Variants in ASAP3 observed in about 807,000 individuals in gnomAD.
ASAP3 encodes arf-GAP with SH3 domain, ANK repeat and PH domain-containing protein 3.
ASAP3 carries 85 observed loss-of-function variants against 118.2 expected under a neutral mutation model. That is an observed-to-expected ratio of 0.72 (90% CI 0.60 to 0.86). ASAP3 has a LOEUF of 0.86. ASAP3 is among the 40% of genes least tolerant of loss of function. The pLI, the probability that ASAP3 is intolerant of heterozygous loss-of-function variation, is 0.00. For missense variants in ASAP3, 1,026 were observed against 1,175.0 expected, an observed-to-expected ratio of 0.87 and a Z score of 1.85; for synonymous variants, 432 against 477.4, an observed-to-expected ratio of 0.90 and a Z score of 1.24.
chr1:23,461,376 T>C (rs902260596), intron 1 of ASAP3, among the ~76,000 whole-genome samples: 2 of 151,882 alleles, frequency 1.3e-5, no homozygotes, highest in Admixed American at 1.3e-4. Flanking sequence ...TTTTTTAATT[T>C]AGAAAAAAAG....
chr1:23,474,187 C>T (rs1459923038), intron 1 of ASAP3, among the ~76,000 whole-genome samples: 3 of 151,864 alleles, frequency 2.0e-5, no homozygotes, highest in African/African-American at 7.3e-5. Flanking sequence ...AGGCTGGTCT[C>T]GAACTCCTGA....
At chr1:23,466,368 G>A (rs1040888364) in intron 1 of ASAP3, among the ~76,000 whole-genome samples, 5 of 152,226 alleles carry the variant, frequency 3.3e-5, no homozygotes, top group African/African-American at 1.2e-4. Flanking sequence ...GGCAGGCACT[G>A]GGCAAAGGTG....
chr1:23,456,132 G>A lies in ASAP3; in HGVS notation c.192C>T (p.Ser64=). ...AGGAGGCTCACTTACCAAGGCCGGA[G>A]CTATGGATTGCCCGCACAGCCTTCT... ...RIKKAVRAIH[S]SGLGHVENEE... is the part of the protein sequence containing the mutation. Residue 64 remains serine (S), a synonymous_variant, in exon 2 of 25, where the codon AGC becomes AGT. Coordinates refer to ENST00000336689, the MANE Select transcript of ASAP3 (RefSeq NM_017707.4). 1.9e-6 allele frequency: 3 copies of A among 1,614,172 alleles called. No individual in the cohort carries two copies. Among genetic ancestry groups the A allele is most frequent in the Non-Finnish European group, 1.7e-6 (2 of 1,180,036 alleles).
chr1:23,458,548 C>G (rs1245191185), intron 1 of ASAP3, among the ~76,000 whole-genome samples: 1 of 151,984 alleles, frequency 6.6e-6, no homozygotes, highest in Non-Finnish European at 1.5e-5. Flanking sequence ...TGCAGTGAGC[C>G]CTGATTGCGC....
chr1:23,456,307 T>C (rs1367501233), intron 1 of ASAP3, 113 bp from the exon 2 acceptor site: 16 of 1,007,514 alleles, frequency 1.6e-5, no homozygotes, highest in Admixed American at 1.5e-4. Flanking sequence ...AACAAATACA[T>C]TGAGTTTTGC....
At chr1:23,452,636 C>G in intron 4 of ASAP3, 61 bp downstream of exon 4, 2 of 1,552,462 alleles carry the variant, frequency 1.3e-6, no homozygotes, top group South Asian at 1.1e-5. Flanking sequence ...TGCCCCCCAA[C>G]AGTCTCCTGC....
intron 1 of ASAP3, among the ~76,000 whole-genome samples, chr1:23,469,350 C>G (rs1307144023): frequency 2.0e-5 from 3 of 152,098 alleles, no homozygotes; most frequent in Non-Finnish European, 4.4e-5. Context: ...AACTCAAACC[C>G]AGGCAGTTGG....
rs184865364 is a variant in ASAP3, at chr1:23,442,229, C to G, written c.628G>C (p.Asp210His). The change falls in exon 7 of 25, where the codon GAC (aspartate) becomes CAC (histidine). Residue 210 changes from aspartate to histidine, a missense_variant. Physicochemically the swap from Asp to His is moderately conservative, Grantham distance 81. Transcript: ENST00000336689. ...AGESQMKQGP[D>H]FLQSLIKFFH... The stretch of plus-strand genomic sequence containing the variant: ...AACTTGATGAGGCTCTGAAGGAAGT[C>G]AGGACCTTGCTTCATCTGGCTCTCC... The G allele has an allele frequency of 4.0e-4, 640 of 1,607,866 alleles. 1 individual carries two copies. Among genetic ancestry groups the G allele is most frequent in the Non-Finnish European group, 5.1e-4 (602 of 1,177,754 alleles).
chr1:23,479,454 AAAAC>A (rs1170523494), intron 1 of ASAP3, among the ~76,000 whole-genome samples: 2 of 152,172 alleles, frequency 1.3e-5, no homozygotes, highest in Non-Finnish European at 2.9e-5. Context: ...TGACGATCAA[AAAAC>A]AAACAAACAA....
At chr1:23,468,867 T>A in intron 1 of ASAP3, among the ~76,000 whole-genome samples, 1 of 93,298 alleles carries the variant, frequency 1.1e-5, no homozygotes, top group African/African-American at 4.3e-5. Flanking sequence ...TGAGACTCCA[T>A]CTCAAAAAAA....
chr1:23,457,378 G>T (rs929774588), intron 1 of ASAP3, among the ~76,000 whole-genome samples: 1 of 152,196 alleles, frequency 6.6e-6, no homozygotes, highest in Non-Finnish European at 1.5e-5. Context: ...GATACCCACA[G>T]GAGAACATGC....
At position 23,434,569 on chromosome 1, in the gene ASAP3, GC is replaced by G; in HGVS notation, c.1798del (p.Ala600LeufsTer43). ...LHLAVKVANQ[A>X]SLPLVDFIIQ... The stretch of plus-strand genomic sequence containing the variant: ...GATGAAATCCACCAGAGGCAGGGAA[GC>G]CTGGTTGGCGACTTTGACAGCCAAA... On this transcript the variant is annotated frameshift_variant, in exon 18 of 25. Coordinates refer to ENST00000336689, the MANE Select transcript of ASAP3 (RefSeq NM_017707.4). LOFTEE classifies it high-confidence loss of function. 1 of 1,614,152 alleles carries G rather than the reference GC, an allele frequency of 6.2e-7. No homozygotes were observed. Among genetic ancestry groups the G allele is most frequent in the Non-Finnish European group, 8.5e-7 (1 of 1,180,020 alleles).
chr1:23,428,808 G>C lies in ASAP3; in HGVS notation c.*1048C>G, dbSNP rs1408660394. 6.5e-6 allele frequency: 1 copy of C among 154,740 alleles called. No homozygotes were observed. Among genetic ancestry groups the C allele is most frequent in the Non-Finnish European group, 1.5e-5 (1 of 68,264 alleles). 9.6% of individuals were successfully genotyped at this position (154,740 alleles called of 1,614,324 possible). ...CAGCACCCAGCAACTGGCAAGTTGA[G>C]ATGTTAGTGGTTGATGATGGCTTAG... On this transcript the variant is annotated 3_prime_UTR_variant, in exon 25 of 25. Transcript: ENST00000336689.
At chr1:23,483,869 G>C in intron 1 of ASAP3, 136 bp downstream of exon 1, 1 of 965,190 alleles carries the variant, frequency 1.0e-6, no homozygotes, top group Non-Finnish European at 1.3e-6. Flanking sequence ...AGATGCGCTC[G>C]GTCCTCCCAG....
chr1:23,484,560 A>C, upstream of ASAP3: 1 of 153,108 alleles, frequency 6.5e-6, no homozygotes, highest in Non-Finnish European at 1.4e-5. Context: ...GGTCTTCCAA[A>C]TCCTCCTCCC....
chr1:23,456,019 C>T lies in ASAP3; in HGVS notation c.210G>A (p.Val70=). 1.2e-6 allele frequency: 2 copies of T among 1,614,134 alleles called. No individual in the cohort carries two copies. Among genetic ancestry groups the T allele is most frequent in the African/African-American group, 1.3e-5 (1 of 75,032 alleles). Residue 70 remains valine (V), a synonymous_variant, in exon 3 of 25, where the codon GTG becomes GTA. Coordinates refer to ENST00000336689, the MANE Select transcript of ASAP3 (RefSeq NM_017707.4). ...CCTCTCGGTACTGCTCTTCATTCTC[C>T]ACATGGCCTGTGGAGGTACAGACGG... ...RAIHSSGLGH[V]ENEEQYREAV...
chr1:23,429,965 GCACCTGTAA>G (rs769614102), intron 24 of ASAP3, 35 bp from the exon 25 acceptor site: 2 of 1,570,692 alleles, frequency 1.3e-6, no homozygotes, highest in South Asian at 2.2e-5. Flanking sequence ...CATTTTCAAA[GCACCTGTAA>G]CATACCAGGT....
chr1:23,475,564 A>T (rs1642102241), intron 1 of ASAP3, among the ~76,000 whole-genome samples: 1 of 152,200 alleles, frequency 6.6e-6, no homozygotes, highest in South Asian at 2.1e-4. Context: ...CACGGTCTCG[A>T]TGCTAACAGC....
At chr1:23,449,552 T>C (rs185925284) in intron 5 of ASAP3, among the ~76,000 whole-genome samples, 1 of 152,058 alleles carries the variant, frequency 6.6e-6, no homozygotes, top group African/African-American at 2.4e-5. Flanking sequence ...TGAAATTACA[T>C]AGGAACTTAC....
Sources: gnomAD v4.1 joint callset for allele counts (sites outside exome capture counted in the v4.1 genomes callset) on GRCh38, gnomAD v4.1.1 for gene constraint, MANE v1.5 for transcripts, NCBI Gene and HGNC (gene_info 2026-07-23, HGNC 2026-07-21) for gene names.